CCDC57: variants seen among roughly 807,000 people sequenced by gnomAD.
CCDC57 encodes coiled-coil domain containing 57, also known as coiled-coil domain-containing protein 57.
A neutral mutation model predicts 118.9 loss-of-function variants in CCDC57; 118 were observed. That is an observed-to-expected ratio of 0.99 (90% confidence interval 0.86 to 1.16). CCDC57 has a LOEUF of 1.16. Among genes scored for constraint, CCDC57 ranks in the 50% most tolerant of loss-of-function variants. The probability of loss-of-function intolerance (pLI) is 0.00; values close to 1 mark genes in which losing one functional copy is unlikely to be tolerated. For missense variants in CCDC57, 1,300 were observed against 1,320.7 expected (o/e 0.98, Z 0.24); for synonymous variants, 527 against 532.9 (o/e 0.99, Z 0.15).
intron 5 of CCDC57, among the ~76,000 whole-genome samples, chr17:82,194,710 TTTC>T (rs2048095173): frequency 1.3e-5 from 2 of 152,220 alleles, no homozygotes; most frequent in Non-Finnish European, 2.9e-5. Flanking sequence ...CTGCACTTCA[TTTC>T]TTAGCACATA....
intron 19 of CCDC57, among the ~76,000 whole-genome samples, chr17:82,110,761 G>A (rs1449881155): frequency 6.6e-6 from 1 of 151,996 alleles, no homozygotes; most frequent in South Asian, 2.1e-4. Context: ...ACGGTGGCTC[G>A]CGCCTGTAAT....
At chr17:82,193,556 C>CAAGCAAGA (rs755395665) in intron 7 of CCDC57, among the ~76,000 whole-genome samples, 200 bp downstream of exon 6, 87 of 150,934 alleles carry the variant, frequency 5.8e-4, no homozygotes, top group African/African-American at 2.1e-3. Flanking sequence ...AAAAAAAAAG[C>CAAGCAAGA]AAGCAAGAAA....
intron 2 of CCDC57, among the ~76,000 whole-genome samples, chr17:82,206,536 G>A (rs1432447685): frequency 1.4e-5 from 2 of 143,704 alleles, no homozygotes; most frequent in South Asian, 2.5e-4. Context: ...GTGTGGAGAG[G>A]TTCCTGGGGA....
At chr17:82,179,674 G>C (rs1422705725) in intron 9 of CCDC57, among the ~76,000 whole-genome samples, 1 of 152,100 alleles carries the variant, frequency 6.6e-6, no homozygotes, top group Non-Finnish European at 1.5e-5. Flanking sequence ...AGGGACAGAG[G>C]GGTGGGAACG....
In CCDC57 at chr17:82,183,772, A is replaced by G; in HGVS notation, c.1211+2T>C. ...TGGAAACATCTGCCTGGGGACAGTT[A>G]CCTTTCAATGTCCTGCTGGGATCGG... On this transcript the variant is annotated splice_donor_variant, in intron 9 of 19. Coordinates refer to ENST00000665763, the Ensembl canonical transcript of CCDC57. LOFTEE classifies it high-confidence loss of function. 1 of 1,554,614 alleles carries G rather than the reference A, an allele frequency of 6.4e-7. No homozygotes were observed. Among genetic ancestry groups the G allele is most frequent in the Non-Finnish European group, 8.7e-7 (1 of 1,148,408 alleles).
intron 2 of CCDC57, among the ~76,000 whole-genome samples, chr17:82,205,012 C>A (rs11652189): frequency 0.17 from 26,495 of 152,272 alleles, 2,606 homozygotes; most frequent in Non-Finnish European, 0.23. Context: ...TGGCACAACG[C>A]CATCACCCCA....
intron 15 of CCDC57, chr17:82,153,734 CCCACCCCCAGCAGGGCAGCAGCAGCTGT>C (rs1165824022): frequency 1.3e-5 from 2 of 152,254 alleles, no homozygotes; most frequent in Admixed American, 1.3e-4. Flanking sequence ...CCAAGGGCTG[CCCACCCCCAGCAGGGCAGCAGCAGCTGT>C]CCACCCATCT....
intron 7 of CCDC57, among the ~76,000 whole-genome samples, chr17:82,191,591 A>G (rs554133008): frequency 1.3e-5 from 2 of 151,722 alleles, no homozygotes; most frequent in South Asian, 4.2e-4. Context: ...CTCCTCCTCA[A>G]CCTCCTCAAT....
At chr17:82,101,650 A>C in exon 20 of CCDC57, 1 of 1,544,420 alleles carries the variant, frequency 6.5e-7, no homozygotes, top group Non-Finnish European at 8.8e-7. Context: ...GGCCCCGAGC[A>C]CCCCTTAGTG....
intron 19 of CCDC57, among the ~76,000 whole-genome samples, chr17:82,103,294 T>G (rs2034594482): frequency 9.3e-6 from 1 of 107,222 alleles, no homozygotes; most frequent in Admixed American, 8.4e-5. Context: ...GCAGCCCCGT[T>G]GGGGTCACAC....
intron 9 of CCDC57, among the ~76,000 whole-genome samples, chr17:82,180,972 G>C (rs1003988279): frequency 6.6e-6 from 1 of 152,238 alleles, no homozygotes; most frequent in African/African-American, 2.4e-5. Flanking sequence ...GTCCTCGCGA[G>C]ATGGGCCCAC....
chr17:82,113,567 C>A, intron 19 of CCDC57: 1 of 717,676 alleles, frequency 1.4e-6, no homozygotes. Flanking sequence ...TCCATTCATT[C>A]CCCCTCGCAT....
In CCDC57 at chr17:82,184,029, G is replaced by GCA. The variant is rs1216297514; in HGVS notation, c.1053-98_1053-97insTG. On this transcript the variant is annotated intron_variant, in intron 8 of 19. Coordinates refer to ENST00000665763, the Ensembl canonical transcript of CCDC57. Reference sequence around the variant, plus strand: ...AGCAAATACACATGCGCGCGCGCGCGCGCACACACACACACACACACACAC... The same window carrying GCA: ...AGCAAATACACATGCGCGCGCGCGCGCACGCACACACACACACACACACACAC... 7.2e-3 allele frequency: 1,722 copies of GCA among 238,310 alleles called. 12 individuals are homozygous for GCA. Among genetic ancestry groups the GCA allele is most frequent in the East Asian group, 0.02 (171 of 8,690 alleles). The allele number at this position is 238,310 out of a possible 1,614,324, so 14.8% of individuals were successfully genotyped here.
intron 16 of CCDC57, chr17:82,135,209 TCTC>T (rs1229199519): frequency 6.6e-6 from 1 of 152,112 alleles, no homozygotes; most frequent in Non-Finnish European, 1.5e-5. Context: ...TTCAAGCAAT[TCTC>T]CTGCCTCAGC....
intron 11 of CCDC57, among the ~76,000 whole-genome samples, 191 bp downstream of exon 10, chr17:82,178,283 A>G (rs1173865457): frequency 6.6e-6 from 1 of 152,228 alleles, no homozygotes; most frequent in Non-Finnish European, 1.5e-5. Context: ...CGAATATGAA[A>G]GATACAAAGA....
chr17:82,205,600 G>T (rs868405423), intron 2 of CCDC57, among the ~76,000 whole-genome samples: 1 of 152,144 alleles, frequency 6.6e-6, no homozygotes, highest in Non-Finnish European at 1.5e-5. Context: ...TCCCCACTGG[G>T]TGAGGTTCCT....
chr17:82,113,441 G>A, intron 19 of CCDC57: 1 of 717,656 alleles, frequency 1.4e-6, no homozygotes, highest in South Asian at 1.5e-5. Flanking sequence ...TGAGAAACAA[G>A]AGAGCAGGGT....
intron 19 of CCDC57, among the ~76,000 whole-genome samples, chr17:82,102,842 G>A (rs550027475): frequency 6.6e-5 from 10 of 151,308 alleles, no homozygotes; most frequent in South Asian, 4.2e-4. Context: ...CCGAGATTGC[G>A]CCACTGCACT....
At chr17:82,138,147 CTTTTTTT>C (rs569568425) in intron 16 of CCDC57, among the ~76,000 whole-genome samples, 8 of 118,306 alleles carry the variant, frequency 6.8e-5, no homozygotes, top group Non-Finnish European at 1.0e-4. Flanking sequence ...AGGAGGATCT[CTTTTTTT>C]TTTTTTTTTT....
Sources: gnomAD v4.1 joint callset for allele counts (sites outside exome capture counted in the v4.1 genomes callset) on GRCh38, gnomAD v4.1.1 for gene constraint, MANE v1.5 for transcripts, NCBI Gene and HGNC (gene_info 2026-07-23, HGNC 2026-07-21) for gene names.